The following CNGA1 variants were observed in gnomAD, a reference collection of about 807,000 sequenced individuals.
CNGA1 encodes cyclic nucleotide-gated channel alpha-1.
In CNGA1, 53 loss-of-function variants were observed where a neutral mutation model predicts 69.7. The ratio of observed to expected loss-of-function variants is 0.76; its 90% CI spans 0.61 to 0.96. CNGA1 has a LOEUF of 0.96. Among genes scored for constraint, CNGA1 ranks in the 40% least tolerant of loss-of-function variants. The pLI is 0.00. For synonymous variants in CNGA1, 249 were observed against 283.5 expected, an observed-to-expected ratio of 0.88 and a Z score of 1.22; for missense variants, 739 against 811.2, an observed-to-expected ratio of 0.91 and a Z score of 1.08.
chr4:48,007,520 G>A, intron 2 of CNGA1, among the ~76,000 whole-genome samples: 1 of 152,178 alleles, frequency 6.6e-6, no homozygotes, highest in East Asian at 1.9e-4. Flanking sequence ...AAGAGGGCCT[G>A]AAGATGAGGT....
chr4:47,956,751 A>C (rs1054585296), intron 3 of CNGA1, among the ~76,000 whole-genome samples: 1 of 152,148 alleles, frequency 6.6e-6, no homozygotes, highest in Admixed American at 6.5e-5. Flanking sequence ...AAAGGGAAGG[A>C]AGGAGTGTGG....
At chr4:47,939,338 C>T (rs1301773753) in intron 10 of CNGA1, among the ~76,000 whole-genome samples, 1 of 152,204 alleles carries the variant, frequency 6.6e-6, no homozygotes, top group Non-Finnish European at 1.5e-5. Context: ...GTGCCACACC[C>T]CAATTCCATG....
intron 3 of CNGA1, among the ~76,000 whole-genome samples, chr4:47,978,789 C>T (rs1166992086): frequency 6.6e-6 from 1 of 151,856 alleles, no homozygotes; most frequent in Non-Finnish European, 1.5e-5. Flanking sequence ...CCTATTTTGC[C>T]CATTAATTTC....
intron 3 of CNGA1, chr4:47,971,102 T>TAA (rs750445523): frequency 1.3e-5 from 5 of 389,270 alleles, no homozygotes; most frequent in Admixed American, 2.8e-5. Context: ...AGACTCCATC[T>TAA]AAAAAAAAAA....
intron 8 of CNGA1, among the ~76,000 whole-genome samples, chr4:47,942,370 T>G (rs1234759695): frequency 1.3e-5 from 2 of 151,712 alleles, no homozygotes; most frequent in Non-Finnish European, 2.9e-5. Context: ...TTTTTTTTTT[T>G]TTTTTTTTTT....
intron 6 of CNGA1, among the ~76,000 whole-genome samples, chr4:47,949,600 C>T (rs1353065898): frequency 6.6e-6 from 1 of 152,190 alleles, no homozygotes; most frequent in Non-Finnish European, 1.5e-5. Context: ...GTCAGTCACT[C>T]TATTCACAGA....
chr4:48,016,639 A>G lies in CNGA1; in HGVS notation c.-379T>C. On this transcript the variant is annotated 5_prime_UTR_variant, in exon 1 of 11. Coordinates refer to ENST00000514170, the MANE Select transcript of CNGA1 (RefSeq NM_001379270.1). ...CGCTCCCAGGCCTGCGGGGGCCCTG[A>G]GAATTCGCAACAAGCCCCGGGCAGC... 2 of 549,890 alleles carry G rather than the reference A, an allele frequency of 3.6e-6. No homozygotes were observed. The allele number at this position is 549,890 out of a possible 1,614,324, so 34.1% of individuals were successfully genotyped here.
At chr4:47,945,689 A>G (rs1168850869) in intron 6 of CNGA1, among the ~76,000 whole-genome samples, 2 of 152,236 alleles carry the variant, frequency 1.3e-5, no homozygotes, top group African/African-American at 4.8e-5. Flanking sequence ...TCTTGAATAT[A>G]AAAGTAGAAT....
chr4:47,943,046 T>C (rs2110141552), intron 8 of CNGA1, 135 bp downstream of exon 8: 2 of 650,720 alleles, frequency 3.1e-6, no homozygotes, highest in East Asian at 2.7e-5. Context: ...TATTTTTCAA[T>C]ATTTAAAGAC....
At position 47,954,787 on chromosome 4, in the gene CNGA1, A is replaced by C. The variant is rs890103623; in HGVS notation, c.-14-2084T>G. Among the ~76,000 whole-genome samples the C allele has an allele frequency of 9.2e-5, 14 of 152,134 alleles. 1 individual carries two copies. Among genetic ancestry groups the C allele is most frequent in the Non-Finnish European group, 8.8e-5 (6 of 68,040 alleles). ...CACCCCTTCAGGGATTCCCTGGAAAACCTTACGAGCCTTTTTGAAGGGGGG... is the reference window on the plus strand; with the variant it reads ...CACCCCTTCAGGGATTCCCTGGAAACCCTTACGAGCCTTTTTGAAGGGGGG... On this transcript the variant is annotated intron_variant, in intron 3 of 10. Transcript: ENST00000514170.
intron 3 of CNGA1, among the ~76,000 whole-genome samples, chr4:47,972,992 T>C (rs1578100258): frequency 6.6e-6 from 1 of 152,052 alleles, no homozygotes; most frequent in East Asian, 1.9e-4. Context: ...AAACTACTTT[T>C]GGATAAAATT....
chr4:47,954,258 G>A (rs1375664959), intron 3 of CNGA1, among the ~76,000 whole-genome samples: 1 of 152,128 alleles, frequency 6.6e-6, no homozygotes, highest in African/African-American at 2.4e-5. Context: ...CCCGCTGAAA[G>A]TCACCTCCAC....
intron 2 of CNGA1, among the ~76,000 whole-genome samples, chr4:47,993,057 G>A (rs1742341136): frequency 6.6e-6 from 1 of 152,076 alleles, no homozygotes; most frequent in African/African-American, 2.4e-5. Flanking sequence ...GATCAGGGTG[G>A]ATTATCTTTT....
chr4:47,965,923 G>GA (rs33927494), intron 3 of CNGA1, among the ~76,000 whole-genome samples: 1 of 151,918 alleles, frequency 6.6e-6, no homozygotes, highest in Non-Finnish European at 1.5e-5. Context: ...GAAAAGAACA[G>GA]AAAAAAAAAT....
At chr4:47,939,664 C>G (rs1738946414) in intron 10 of CNGA1, among the ~76,000 whole-genome samples, 1 of 152,138 alleles carries the variant, frequency 6.6e-6, no homozygotes, top group Non-Finnish European at 1.5e-5. Flanking sequence ...CCGTTAGTGT[C>G]CAAATTCAGT....
chr4:47,943,077 T>C, intron 8 of CNGA1, 104 bp downstream of exon 8: 1 of 785,818 alleles, frequency 1.3e-6, no homozygotes, highest in South Asian at 1.6e-5. Flanking sequence ...TACACAGGGC[T>C]CTTTACTATA....
chr4:47,991,637 G>C (rs1742275174), intron 2 of CNGA1, among the ~76,000 whole-genome samples: 1 of 152,142 alleles, frequency 6.6e-6, no homozygotes, highest in African/African-American at 2.4e-5. Context: ...TCTGCTGACT[G>C]TTCCTTTTGC....
chr4:47,940,703 A>G, intron 10 of CNGA1, 60 bp downstream of exon 10: 1 of 1,159,936 alleles, frequency 8.6e-7, no homozygotes. Flanking sequence ...GAAATGTCAA[A>G]TTACAATGCT....
chr4:47,995,958 G>T lies in CNGA1; in HGVS notation c.-122-14458C>A, dbSNP rs564452724. 2.0e-5 allele frequency among the ~76,000 whole-genome samples: 3 copies of T among 152,230 alleles called. 1 individual carries two copies. The South Asian group carries it at 6.2e-4, about 32-fold the overall frequency. On this transcript the variant is annotated intron_variant, in intron 2 of 10. Transcript: ENST00000514170. ...AGCAAGTCTACCAGGCTCTGGGCTG[G>T]TACTAGGGGTTGTCTGCACAGAGTC...
Sources: allele counts gnomAD v4.1 joint callset (sites outside exome capture counted in the v4.1 genomes callset), GRCh38; gene constraint gnomAD v4.1.1; transcripts MANE v1.5; gene names NCBI Gene and HGNC (gene_info 2026-07-23, HGNC 2026-07-21).